The following STK24 variants were observed in gnomAD, a reference collection of about 807,000 sequenced individuals.
STK24 encodes the protein serine/threonine-protein kinase 24.
A neutral mutation model predicts 55.6 loss-of-function variants in STK24; 21 were observed. The observed-to-expected ratio is 0.38, with a 90% CI of 0.27 to 0.54. The LOEUF (loss-of-function observed/expected upper bound fraction) is 0.54, where lower values mean the gene tolerates loss of function less well. Ranked by LOEUF, STK24 falls within the 20% of genes least tolerant of loss-of-function variation. The probability of loss-of-function intolerance (pLI) is 0.79; values close to 1 mark genes in which losing one functional copy is unlikely to be tolerated. For missense variants in STK24, 383 were observed against 538.4 expected, an observed-to-expected ratio of 0.71 and a Z score of 2.86; for synonymous variants, 200 against 215.2, an observed-to-expected ratio of 0.93 and a Z score of 0.62.
chr13:98,532,176 T>C (rs369111849), intron 1 of STK24, among the ~76,000 whole-genome samples: 20 of 152,288 alleles, frequency 1.3e-4, no homozygotes, highest in East Asian at 9.6e-4. Context: ...ATGCCAGTAG[T>C]GATGCCTGGA....
At chr13:98,551,542 G>T (rs1337310199) in intron 1 of STK24, among the ~76,000 whole-genome samples, 3 of 151,708 alleles carry the variant, frequency 2.0e-5, no homozygotes, top group Non-Finnish European at 4.4e-5. Flanking sequence ...AGGGAGGAAG[G>T]AAAAACCTAA....
At chr13:98,476,510 T>G (rs1374603136) in intron 3 of STK24, among the ~76,000 whole-genome samples, 1 of 152,184 alleles carries the variant, frequency 6.6e-6, no homozygotes, top group African/African-American at 2.4e-5. Flanking sequence ...TTTAAAAAGA[T>G]AAGAAATGTG....
rs1365971169 is a variant in STK24 at position 98,574,555 on chromosome 13, A to T, written c.42+2190T>A. The stretch of plus-strand genomic sequence containing the variant: ...TTTCTTTTGTGGGGTGGGGGAGGAG[A>T]AAAGAATGTTCTTCCCCAAATGATA... On this transcript the variant is annotated intron_variant, in intron 1 of 10. Transcript: ENST00000539966. 2.0e-5 allele frequency among the ~76,000 whole-genome samples: 3 copies of T among 152,162 alleles called. No individual in the cohort carries two copies. The East Asian group carries it at 5.8e-4, about 29-fold the overall frequency.
intron 1 of STK24, among the ~76,000 whole-genome samples, chr13:98,552,270 C>T (rs76179361): frequency 0.016 from 2,370 of 152,222 alleles, 59 homozygotes; most frequent in African/African-American, 0.048. Context: ...CTCCCTACAA[C>T]GACCACCCAC....
chr13:98,574,939 G>GTAA (rs1268674798), intron 1 of STK24, among the ~76,000 whole-genome samples: 2 of 151,930 alleles, frequency 1.3e-5, no homozygotes, highest in Non-Finnish European at 2.9e-5. Context: ...CAGCCAAAGG[G>GTAA]GCTTTAGTAC....
At chr13:98,535,398 TACACAC>T (rs56768700) in intron 1 of STK24, among the ~76,000 whole-genome samples, 5,896 of 142,676 alleles carry the variant, frequency 0.041, 201 homozygotes, top group African/African-American at 0.087. Context: ...TATGTGTGTA[TACACAC>T]ACACACACAC....
chr13:98,460,355 G>T lies in STK24; in HGVS notation c.1122+17C>A, dbSNP rs561950943. 5.6e-6 allele frequency: 9 copies of T among 1,611,504 alleles called. 1 individual carries two copies. Among genetic ancestry groups the T allele is most frequent in the South Asian group, 4.4e-5 (4 of 90,674 alleles). The stretch of plus-strand genomic sequence containing the variant: ...CCCCCTCCCCTCCCACTCCGAAAAG[G>T]CCAGCCAGGTACCTACCTCTGCAAA... On this transcript the variant is annotated intron_variant, in intron 9 of 10. Transcript: ENST00000539966.
chr13:98,570,293 A>G (rs1897705882), intron 1 of STK24, among the ~76,000 whole-genome samples: 3 of 152,202 alleles, frequency 2.0e-5, no homozygotes, highest in Admixed American at 6.5e-5. Context: ...AGCAGCTGCT[A>G]TCTTTCCCAA....
chr13:98,518,723 TTATTA>T (rs1896157789), intron 2 of STK24, among the ~76,000 whole-genome samples: 2 of 152,246 alleles, frequency 1.3e-5, no homozygotes, highest in Admixed American at 1.3e-4. Flanking sequence ...TTGTGTCATA[TTATTA>T]TAACTACCGT....
intron 2 of STK24, among the ~76,000 whole-genome samples, chr13:98,506,312 C>T (rs996617027): frequency 6.6e-6 from 1 of 152,216 alleles, no homozygotes; most frequent in Admixed American, 6.5e-5. Context: ...TACAGGTCGT[C>T]AGGAAGGATA....
intron 1 of STK24, among the ~76,000 whole-genome samples, chr13:98,555,834 C>T (rs1403608570): frequency 2.0e-5 from 3 of 151,262 alleles, no homozygotes; most frequent in Non-Finnish European, 2.9e-5. Context: ...GTGCCCGCCA[C>T]CACACCCGGT....
At chr13:98,540,444 G>C (rs1896856810) in intron 1 of STK24, among the ~76,000 whole-genome samples, 1 of 152,024 alleles carries the variant, frequency 6.6e-6, no homozygotes, top group Non-Finnish European at 1.5e-5. Flanking sequence ...AGATCCTTAA[G>C]GGCAAAGACT....
chr13:98,458,405 T>C (rs959187450), intron 9 of STK24, among the ~76,000 whole-genome samples: 1 of 152,206 alleles, frequency 6.6e-6, no homozygotes, highest in African/African-American at 2.4e-5. Flanking sequence ...CATGCTGTCA[T>C]TTCCAAACCC....
At chr13:98,549,138 A>C (rs1897102496) in intron 1 of STK24, among the ~76,000 whole-genome samples, 1 of 152,230 alleles carries the variant, frequency 6.6e-6, no homozygotes, top group Admixed American at 6.5e-5. Context: ...TGACCATCTG[A>C]AACATATGCA....
In STK24 at chr13:98,519,242, C is replaced by A; in HGVS notation, c.273+1G>T. Reference sequence around the variant, plus strand: ...GAGAAGCACGTTATTTTAAGCCTTACCTTCAGATAGGATCCATAATATTTG... The same window carrying A: ...GAGAAGCACGTTATTTTAAGCCTTAACTTCAGATAGGATCCATAATATTTG... On this transcript the variant is annotated splice_donor_variant, in intron 2 of 10. Transcript: ENST00000539966. LOFTEE classifies it high-confidence loss of function. 6.2e-7 allele frequency: 1 copy of A among 1,613,076 alleles called. No individual in the cohort carries two copies. The highest frequency in any genetic ancestry group is 8.5e-7 in the Non-Finnish European group (1 of 1,179,064).
At chr13:98,519,641 A>G (rs910796662) in intron 1 of STK24, among the ~76,000 whole-genome samples, 168 bp from the exon 2 acceptor site, 2 of 152,198 alleles carry the variant, frequency 1.3e-5, no homozygotes, top group African/African-American at 4.8e-5. Context: ...GGTTCAGGAC[A>G]TAAGATTCCT....
intron 5 of STK24, among the ~76,000 whole-genome samples, chr13:98,468,468 G>C (rs1174542085): frequency 6.6e-6 from 1 of 152,222 alleles, no homozygotes; most frequent in Non-Finnish European, 1.5e-5. Context: ...CAAGCACCCA[G>C]AACTGTGGCA....
In STK24 at chr13:98,453,181, A is replaced by C. The variant is rs759021740; in HGVS notation, c.1288T>G (p.Ser430Ala). 1 of 1,613,754 alleles carries C rather than the reference A, an allele frequency of 6.2e-7. No homozygotes were observed. Residue 430 changes from serine (S) to alanine (A), a missense_variant, in exon 11 of 11, where the codon TCC becomes GCC. Ser to Ala is a moderately conservative substitution (Grantham distance 99, BLOSUM62 1). Coordinates refer to ENST00000539966, the MANE Select transcript of STK24 (RefSeq NM_001032296.4). Reference sequence around the variant, plus strand: ...CAAATGCCAAAGGAATTTCAGTGGGATGAAGTTCCTCCACCACTTAGAGAG... The same window carrying C: ...CAAATGCCAAAGGAATTTCAGTGGGCTGAAGTTCCTCCACCACTTAGAGAG... The part of the protein sequence containing the change: ...RYSLSGGGTS[S>A]H
intron 1 of STK24, among the ~76,000 whole-genome samples, chr13:98,570,272 C>CG (rs1266805715): frequency 1.3e-5 from 2 of 152,118 alleles, no homozygotes; most frequent in Non-Finnish European, 2.9e-5. Context: ...TAAGAAATGG[C>CG]GGGAGGTGGA....
Sources: allele counts gnomAD v4.1 joint callset (sites outside exome capture counted in the v4.1 genomes callset), GRCh38; gene constraint gnomAD v4.1.1; transcripts MANE v1.5; gene names NCBI Gene and HGNC (gene_info 2026-07-23, HGNC 2026-07-21).